SHOC2: variants seen among roughly 807,000 people sequenced by gnomAD.
The protein encoded by SHOC2 is SHOC2 leucine rich repeat scaffold protein.
A neutral mutation model predicts 50.2 loss-of-function variants in SHOC2; 4 were observed. The observed-to-expected ratio is 0.08, with a 90% CI of 0.04 to 0.18. The LOEUF (loss-of-function observed/expected upper bound fraction) is 0.18. Among genes scored for constraint, SHOC2 ranks in the 10% least tolerant of loss-of-function variants. The pLI, the probability that SHOC2 is intolerant of heterozygous loss-of-function variation, is 1.00. For missense variants in SHOC2, 388 were observed against 669.6 expected (o/e 0.58, Z 4.64); for synonymous variants, 218 against 244.5 (o/e 0.89, Z 1.01).
At chr10:110,979,921 C>T (rs1214014668) in intron 2 of SHOC2, among the ~76,000 whole-genome samples, 4 of 152,294 alleles carry the variant, frequency 2.6e-5, no homozygotes, top group Middle Eastern at 3.4e-3. Flanking sequence ...GTGTAGCCTA[C>T]TCACTAGACA....
chr10:110,965,319 T>C (rs1276391184), intron 2 of SHOC2, among the ~76,000 whole-genome samples: 1 of 152,164 alleles, frequency 6.6e-6, no homozygotes, highest in Non-Finnish European at 1.5e-5. Flanking sequence ...TTAACTTTCA[T>C]TGGAGAATAA....
upstream of SHOC2, chr10:110,919,520 TGGCGGGGCGGGCGG>T (rs1279053339): frequency 1.7e-5 from 2 of 117,702 alleles, no homozygotes; most frequent in African/African-American, 1.0e-4. Flanking sequence ...GCGAGAGTAG[TGGCGGGGCGGGCGG>T]GGCGGGGCGA....
intron 3 of SHOC2, among the ~76,000 whole-genome samples, chr10:110,998,521 G>GT (rs1848310359): frequency 6.6e-6 from 1 of 152,110 alleles, no homozygotes; most frequent in Non-Finnish European, 1.5e-5. Flanking sequence ...CTAAGTGGTA[G>GT]TTTTTTATTG....
chr10:110,958,403 G>A (rs913596349), intron 1 of SHOC2, among the ~76,000 whole-genome samples: 22 of 151,866 alleles, frequency 1.4e-4, no homozygotes, highest in African/African-American at 5.3e-4. Flanking sequence ...TAATAGAGAC[G>A]GGGTTTCACC....
chr10:111,007,044 C>T (rs889191997), intron 5 of SHOC2, among the ~76,000 whole-genome samples: 1 of 152,170 alleles, frequency 6.6e-6, no homozygotes, highest in South Asian at 2.1e-4. Flanking sequence ...ATTTAATTTG[C>T]TGTCTTTTTA....
At chr10:110,976,595 A>C (rs766591835) in intron 2 of SHOC2, among the ~76,000 whole-genome samples, 12 of 152,184 alleles carry the variant, frequency 7.9e-5, no homozygotes, top group Non-Finnish European at 1.3e-4. Flanking sequence ...TAAGGGTATG[A>C]GCCACTACAC....
At chr10:111,003,486 A>AC (rs1848416272) in intron 4 of SHOC2, among the ~76,000 whole-genome samples, 1 of 152,202 alleles carries the variant, frequency 6.6e-6, no homozygotes, top group African/African-American at 2.4e-5. Context: ...CTTACTTCCT[A>AC]CTAGGTATTG....
At chr10:111,001,789 T>G (rs1848381474) in intron 4 of SHOC2, among the ~76,000 whole-genome samples, 1 of 151,284 alleles carries the variant, frequency 6.6e-6, no homozygotes, top group Admixed American at 6.6e-5. Flanking sequence ...ATCCCAGCAC[T>G]TTGGGAGGCC....
At chr10:110,920,052 C>T (rs987206471) in intron 1 of SHOC2, 4 of 150,162 alleles carry the variant, frequency 2.7e-5, no homozygotes, top group East Asian at 2.0e-4. Flanking sequence ...AGTCTCTCTC[C>T]TCTCGGCTCC....
chr10:110,937,259 C>CT (rs80353363), intron 1 of SHOC2: 23,176 of 715,408 alleles, frequency 0.032, 21 homozygotes, highest in South Asian at 0.076. Flanking sequence ...GGGAAAGCTG[C>CT]TTTTTTTTTT....
intron 2 of SHOC2, among the ~76,000 whole-genome samples, chr10:110,980,945 A>G (rs956845437): frequency 1.5e-4 from 23 of 152,278 alleles, no homozygotes; most frequent in African/African-American, 5.1e-4. Flanking sequence ...TGTAAGTTTC[A>G]TGTGGATGGA....
chr10:110,988,542 CCT>C (rs1783179914), intron 3 of SHOC2, among the ~76,000 whole-genome samples: 1 of 152,046 alleles, frequency 6.6e-6, no homozygotes, highest in Non-Finnish European at 1.5e-5. Context: ...AGTAATGCCA[CCT>C]CTCTAATTCC....
intron 1 of SHOC2, chr10:110,936,853 C>G (rs1317063920): frequency 3.7e-6 from 5 of 1,353,292 alleles, no homozygotes; most frequent in Non-Finnish European, 5.3e-6. Context: ...GCTTCAGACG[C>G]ACAACCTTGA....
At chr10:110,972,387 C>T (rs1847799660) in intron 2 of SHOC2, among the ~76,000 whole-genome samples, 1 of 152,014 alleles carries the variant, frequency 6.6e-6, no homozygotes, top group Non-Finnish European at 1.5e-5. Context: ...TGCTAAGTAA[C>T]TTACTTTAGC....
intron 3 of SHOC2, among the ~76,000 whole-genome samples, chr10:110,988,385 A>G (rs1392806981): frequency 6.6e-6 from 1 of 152,150 alleles, no homozygotes; most frequent in East Asian, 1.9e-4. Flanking sequence ...TAATAAATAT[A>G]GGGCTATTCA....
chr10:111,001,092 G>A (rs1363436590), intron 4 of SHOC2, among the ~76,000 whole-genome samples: 1 of 140,940 alleles, frequency 7.1e-6, no homozygotes, highest in East Asian at 2.1e-4. Flanking sequence ...TTTAGGTTTT[G>A]TTGATTCTAT....
intron 2 of SHOC2, among the ~76,000 whole-genome samples, chr10:110,972,997 T>C (rs1279648474): frequency 6.6e-6 from 1 of 152,112 alleles, no homozygotes; most frequent in African/African-American, 2.4e-5. Flanking sequence ...CAGAGGAGCA[T>C]TGTCACTTGT....
At chr10:111,010,711 A>C (rs1038547136) in intron 8 of SHOC2, among the ~76,000 whole-genome samples, 1 of 152,192 alleles carries the variant, frequency 6.6e-6, no homozygotes, top group East Asian at 1.9e-4. Flanking sequence ...GATAATTGAC[A>C]ATTCAAAATC....
At chr10:110,949,914 A>G (rs1847318568) in intron 1 of SHOC2, among the ~76,000 whole-genome samples, 1 of 152,186 alleles carries the variant, frequency 6.6e-6, no homozygotes, top group South Asian at 2.1e-4. Flanking sequence ...TAGGGATAGA[A>G]GGTACGTATC....
Sources: gnomAD v4.1 joint callset for allele counts (sites outside exome capture counted in the v4.1 genomes callset) on GRCh38, gnomAD v4.1.1 for gene constraint, MANE v1.5 for transcripts, NCBI Gene and HGNC (gene_info 2026-07-23, HGNC 2026-07-21) for gene names.